NT5DC3: variants seen among roughly 807,000 people sequenced by gnomAD.
NT5DC3 encodes 5'-nucleotidase domain-containing protein 3.
A neutral mutation model predicts 67.8 loss-of-function variants in NT5DC3; 42 were observed. The ratio of observed to expected loss-of-function variants is 0.62; its 90% CI spans 0.48 to 0.80. The LOEUF (loss-of-function observed/expected upper bound fraction) is 0.80. Ranked by LOEUF, NT5DC3 falls within the 30% of genes least tolerant of loss-of-function variation. The probability of loss-of-function intolerance (pLI) is 0.00; values close to 1 mark genes in which losing one functional copy is unlikely to be tolerated. For synonymous variants in NT5DC3, 237 were observed against 255.6 expected (o/e 0.93, Z 0.69); for missense variants, 570 against 696.4 (o/e 0.82, Z 2.04).
intron 1 of NT5DC3, among the ~76,000 whole-genome samples, 192 bp downstream of exon 1, chr12:103,840,757 A>T (rs1412095176): frequency 6.6e-6 from 1 of 151,976 alleles, no homozygotes; most frequent in Non-Finnish European, 1.5e-5. Flanking sequence ...TCTAGAGCGC[A>T]TTTTTCCCCG....
rs770974615 is a variant in NT5DC3, at chr12:103,815,130, A to G, written c.209-9T>C. 3 of 1,582,488 alleles carry G rather than the reference A, an allele frequency of 1.9e-6. No homozygotes were observed. The highest frequency in any genetic ancestry group is 2.3e-5 in the East Asian group (1 of 44,294). ...AATGGAAGGAACCAATTCTGGAAAT[A>G]AAGAAAAAAAATACATTATACTACA... On this transcript the variant is annotated splice_polypyrimidine_tract_variant and intron_variant, in intron 1 of 13. Coordinates refer to ENST00000392876, the MANE Select transcript of NT5DC3 (RefSeq NM_001031701.3).
intron 9 of NT5DC3, among the ~76,000 whole-genome samples, chr12:103,789,446 CAAAA>C (rs936277095): frequency 6.8e-5 from 10 of 146,608 alleles, no homozygotes; most frequent in Admixed American, 6.1e-4. Context: ...CAAAAACAAA[CAAAA>C]AAAAGAATTC....
rs1026837523 is a variant in NT5DC3 at position 103,775,028 on chromosome 12, G to T, written c.*2801C>A. ...CTTGCCTCAAAAAAAAAAAAAAAAA[G>T]TCATGACAGCGACAAGTTAAAATCT... On this transcript the variant is annotated 3_prime_UTR_variant, in exon 14 of 14. Coordinates refer to ENST00000392876, the MANE Select transcript of NT5DC3 (RefSeq NM_001031701.3). 1 of 134,196 alleles carries T rather than the reference G, an allele frequency of 7.5e-6. No homozygotes were observed. Among genetic ancestry groups the T allele is most frequent in the Non-Finnish European group, 1.6e-5 (1 of 62,550 alleles). The allele number at this position is 134,196 out of a possible 1,614,324, so 8.3% of individuals were successfully genotyped here.
intron 6 of NT5DC3, 151 bp from the exon 7 acceptor site, chr12:103,794,148 C>CTTTTTTTTTTTTTTTTTT (rs766607290): frequency 4.3e-6 from 2 of 462,632 alleles, no homozygotes; most frequent in African/African-American, 2.1e-5. Flanking sequence ...CCATTTTCTT[C>CTTTTTTTTTTTTTTTTTT]TTCTTTTTTT....
chr12:103,793,369 G>A, intron 8 of NT5DC3, 41 bp downstream of exon 8: 1 of 1,562,112 alleles, frequency 6.4e-7, no homozygotes, highest in South Asian at 1.1e-5. Flanking sequence ...GGGATACAAG[G>A]AGTGTGCCAG....
the NT5DC3 span, chr12:103,753,442 T>C: frequency 1.3e-6 from 2 of 1,580,412 alleles, no homozygotes; most frequent in African/African-American, 1.3e-5. Flanking sequence ...ACTTGAGCTG[T>C]TGCCTTCAAG....
intron 5 of NT5DC3, among the ~76,000 whole-genome samples, chr12:103,797,579 C>T (rs920457398): frequency 2.6e-5 from 4 of 152,118 alleles, no homozygotes; most frequent in Non-Finnish European, 5.9e-5. Flanking sequence ...GCCCTGATTT[C>T]CCCCAGAGTC....
At chr12:103,793,387 C>T in intron 8 of NT5DC3, 23 bp downstream of exon 8, 1 of 1,592,822 alleles carries the variant, frequency 6.3e-7, no homozygotes, top group Non-Finnish European at 8.6e-7. Flanking sequence ...CAGAAGCTAG[C>T]AATGAAACAC....
chr12:103,797,024 T>C lies in NT5DC3; in HGVS notation c.623A>G (p.His208Arg), dbSNP rs756806552. 8.1e-6 allele frequency: 13 copies of C among 1,613,958 alleles called. No individual in the cohort carries two copies. Among genetic ancestry groups the C allele is most frequent in the Non-Finnish European group, 1.1e-5 (13 of 1,180,038 alleles). The stretch of plus-strand genomic sequence containing the variant: ...CATGAACTGCTTCATCGTGTTTCCA[T>C]GAGAGCTCTGCAGACAGGGTGGAAG... The part of the protein sequence containing the change: ...QMSDFYGKSS[H>R]GNTMKQFMDI... Residue 208 changes from histidine to arginine, a missense_variant, in exon 6 of 14, where the codon CAT (histidine) becomes CGT (arginine). By Grantham distance (29) the His-to-Arg change is conservative (BLOSUM62 0). Coordinates refer to ENST00000392876, the MANE Select transcript of NT5DC3 (RefSeq NM_001031701.3).
intron 1 of NT5DC3, among the ~76,000 whole-genome samples, chr12:103,833,999 CA>C (rs1403351090): frequency 6.6e-6 from 1 of 152,100 alleles, no homozygotes; most frequent in Non-Finnish European, 1.5e-5. Flanking sequence ...TTGGCACTAC[CA>C]ACAGTTGAGG....
chr12:103,767,190 A>G (rs1435289527), downstream of NT5DC3, among the ~76,000 whole-genome samples: 1 of 152,266 alleles, frequency 6.6e-6, no homozygotes, highest in Non-Finnish European at 1.5e-5. Context: ...TCGAATGTCC[A>G]TCAGCTGAAA....
At chr12:103,798,527 C>A (rs1267418351) in intron 5 of NT5DC3, 60 bp downstream of exon 5, 2 of 1,198,736 alleles carry the variant, frequency 1.7e-6, no homozygotes, top group African/African-American at 1.5e-5. Context: ...GTAAGTTCGA[C>A]AAGGCCATGT....
Position 103,777,680 on chromosome 12 carries a change from T to G in NT5DC3, c.*149A>C. ...GGGCTGCTAGCTCCTGTCTTAACCA[T>G]TGGGAGAATTATTCTCCGTAAGGTA... On this transcript the variant is annotated 3_prime_UTR_variant, in exon 14 of 14. Transcript: ENST00000392876. 1 of 935,484 alleles carries G rather than the reference T, an allele frequency of 1.1e-6. No individual in the cohort carries two copies. 57.9% of individuals were successfully genotyped at this position (935,484 alleles called of 1,614,324 possible). A position where few individuals can be genotyped will look rare whatever the true frequency, so the allele number is the denominator to read the frequency against.
Position 103,828,287 on chromosome 12 carries a change from A to C in NT5DC3, c.208+12662T>G, listed in dbSNP as rs560398719. On this transcript the variant is annotated intron_variant, in intron 1 of 13. Coordinates refer to ENST00000392876, the MANE Select transcript of NT5DC3 (RefSeq NM_001031701.3). ...ACAGATGCCAGATGGCCACTAATAAAGTCTATGGAAAAAGGGATTCCTTCT... is the reference window on the plus strand; with the variant it reads ...ACAGATGCCAGATGGCCACTAATAACGTCTATGGAAAAAGGGATTCCTTCT... Among the ~76,000 whole-genome samples the C allele has an allele frequency of 2.0e-5, 3 of 152,346 alleles. No individual in the cohort carries two copies. The South Asian group carries it at 6.2e-4, about 32-fold the overall frequency.
downstream of NT5DC3, chr12:103,766,576 C>T (rs955021219): frequency 6.0e-6 from 3 of 503,290 alleles, no homozygotes; most frequent in African/African-American, 3.9e-5. Flanking sequence ...TCAGCTGGCA[C>T]CTGCTCCATT....
chr12:103,834,524 G>C (rs969067559), intron 1 of NT5DC3, among the ~76,000 whole-genome samples: 2 of 151,990 alleles, frequency 1.3e-5, no homozygotes, highest in African/African-American at 4.8e-5. Flanking sequence ...AAAAAAGGAG[G>C]GTAGGTAAAT....
intron 2 of NT5DC3, among the ~76,000 whole-genome samples, chr12:103,810,917 G>C (rs938020948): frequency 6.6e-6 from 1 of 152,166 alleles, no homozygotes; most frequent in Non-Finnish European, 1.5e-5. Context: ...ATTTAAAGTA[G>C]CCTAAATTAC....
downstream of NT5DC3, among the ~76,000 whole-genome samples, chr12:103,767,570 A>G (rs573981901): frequency 6.6e-6 from 1 of 152,356 alleles, no homozygotes; most frequent in South Asian, 2.1e-4. Context: ...TATATCTCAA[A>G]GAAGACATGA....
chr12:103,790,395 CCTA>C (rs1885992582), intron 9 of NT5DC3, among the ~76,000 whole-genome samples: 1 of 151,958 alleles, frequency 6.6e-6, no homozygotes, highest in Non-Finnish European at 1.5e-5. Context: ...CCTGCCTCAG[CCTA>C]CTGAGTAGCT....
Sources: gnomAD v4.1 joint callset for allele counts (sites outside exome capture counted in the v4.1 genomes callset) on GRCh38, gnomAD v4.1.1 for gene constraint, MANE v1.5 for transcripts, NCBI Gene and HGNC (gene_info 2026-07-23, HGNC 2026-07-21) for gene names.